The following MRE11 variants were observed in gnomAD, a reference collection of about 807,000 sequenced individuals.
The protein encoded by MRE11 is double-strand break repair protein MRE11.
MRE11 carries 62 observed loss-of-function variants against 91.7 expected under a neutral mutation model. That is an observed-to-expected ratio of 0.68 (90% confidence interval 0.55 to 0.84). MRE11 has a LOEUF of 0.84. MRE11 is among the 40% of genes least tolerant of loss of function. The pLI, the probability that MRE11 is intolerant of heterozygous loss-of-function variation, is 0.00. For missense variants in MRE11, 796 were observed against 852.9 expected (o/e 0.93, Z 0.83); for synonymous variants, 273 against 271.4 (o/e 1.01, Z -0.06).
At chr11:94,422,465 A>G (rs11020778) in intron 19 of MRE11, among the ~76,000 whole-genome samples, 22,792 of 152,120 alleles carry the variant, frequency 0.15, 2,093 homozygotes, top group African/African-American at 0.25. Flanking sequence ...ATAAATATTC[A>G]TTAAAGTAAT....
chr11:94,437,146 T>C, intron 17 of MRE11, 31 bp downstream of exon 17: 1 of 1,563,662 alleles, frequency 6.4e-7, no homozygotes, highest in Non-Finnish European at 8.8e-7. Flanking sequence ...CATAAATTAT[T>C]AATACACAAC....
chr11:94,436,868 C>G (rs1391905834), intron 17 of MRE11, among the ~76,000 whole-genome samples: 7 of 152,168 alleles, frequency 4.6e-5, no homozygotes, highest in Non-Finnish European at 7.3e-5. Flanking sequence ...CCTCTATAAC[C>G]ATTGAACTCA....
intron 14 of MRE11, among the ~76,000 whole-genome samples, chr11:94,455,855 T>C (rs911820421): frequency 3.3e-5 from 5 of 152,194 alleles, no homozygotes; most frequent in African/African-American, 9.7e-5. Flanking sequence ...TTTTGTTGTA[T>C]ATATCCCCAC....
At position 94,493,810 on chromosome 11, in the gene MRE11, C is replaced by T. The variant is rs1410623578; in HGVS notation, c.-125G>A. 2 of 152,234 alleles carry T rather than the reference C, an allele frequency of 1.3e-5. No homozygotes were observed. Among genetic ancestry groups the T allele is most frequent in the Admixed American group, 1.3e-4 (2 of 15,288 alleles). 9.4% of individuals were successfully genotyped at this position (152,234 alleles called of 1,614,324 possible). A position where few individuals can be genotyped will look rare whatever the true frequency, so the allele number is the denominator to read the frequency against. ...ACTTGCCTCTGAGAACCCGCAGGGC[C>T]GTAAACCTGAATTCCGCGGGAGAGA... On this transcript the variant is annotated 5_prime_UTR_variant, in exon 1 of 20. Transcript: ENST00000323929.
chr11:94,505,373 G>T, the MRE11 span, among the ~76,000 whole-genome samples: 2 of 152,082 alleles, frequency 1.3e-5, no homozygotes, highest in Non-Finnish European at 2.9e-5. Context: ...GACAGTGATC[G>T]TGATGACCCT....
Position 94,480,835 on chromosome 11 carries a change from C to CA in MRE11, c.315-1075dup, listed in dbSNP as rs146515564. 2.8e-3 allele frequency among the ~76,000 whole-genome samples: 430 copies of CA among 152,258 alleles called. 2 individuals are homozygous for CA. The highest frequency in any genetic ancestry group is 0.01 in the African/African-American group (416 of 41,536). ...TTTCAAGAAATGCCAATGCCCATGA[C>CA]ATACTTGGAGAGACTCTAAGTTAGT... On this transcript the variant is annotated intron_variant, in intron 4 of 19. Coordinates refer to ENST00000323929, the MANE Select transcript of MRE11 (RefSeq NM_005591.4).
In MRE11 at chr11:94,478,717, A is replaced by T; in HGVS notation, c.544+18T>A. ...AGAATCACACATGGACATAAACAGT[A>T]AAATAAAACTGTCTTACCTAAACCA... On this transcript the variant is annotated intron_variant, in intron 6 of 19. Transcript: ENST00000323929. 6.2e-7 allele frequency: 1 copy of T among 1,611,342 alleles called. No homozygotes were observed. Among genetic ancestry groups the T allele is most frequent in the Non-Finnish European group, 8.5e-7 (1 of 1,179,468 alleles).
intron 10 of MRE11, chr11:94,466,412 G>A (rs1020359160): frequency 3.7e-5 from 18 of 492,806 alleles, no homozygotes; most frequent in African/African-American, 3.2e-4. Context: ...CTATGCCAGC[G>A]ACAGTGGGAT....
chr11:94,429,144 C>A (rs1945399059), intron 19 of MRE11, among the ~76,000 whole-genome samples: 4 of 152,092 alleles, frequency 2.6e-5, no homozygotes, highest in Admixed American at 2.6e-4. Context: ...ACAATGATAC[C>A]ATTTCATACC....
chr11:94,468,952 G>C (rs749187616), intron 9 of MRE11, among the ~76,000 whole-genome samples: 5 of 152,086 alleles, frequency 3.3e-5, no homozygotes, highest in Non-Finnish European at 7.4e-5. Flanking sequence ...ATTTTGCCAG[G>C]TACTAGGTCA....
intron 13 of MRE11, 119 bp downstream of exon 13, chr11:94,459,289 G>T: frequency 9.7e-7 from 1 of 1,035,424 alleles, no homozygotes; most frequent in Admixed American, 2.1e-5. Flanking sequence ...CAATTTTATA[G>T]ATGAGAAAAA....
intron 11 of MRE11, among the ~76,000 whole-genome samples, chr11:94,461,519 G>C (rs1946413980): frequency 6.6e-6 from 1 of 152,092 alleles, no homozygotes; most frequent in African/African-American, 2.4e-5. Flanking sequence ...ATATCATACT[G>C]AATGGACAAA....
At chr11:94,436,016 G>T in intron 17 of MRE11, 117 bp from the exon 18 acceptor site, 2 of 910,138 alleles carry the variant, frequency 2.2e-6, no homozygotes, top group Non-Finnish European at 3.6e-6. Context: ...CACAAAAAAG[G>T]AGACAGAAAG....
intron 16 of MRE11, among the ~76,000 whole-genome samples, chr11:94,441,969 C>A (rs1226884070): frequency 2.6e-5 from 3 of 117,342 alleles, no homozygotes; most frequent in Non-Finnish European, 4.9e-5. Context: ...CAGAGAGAGA[C>A]TCTGTCTCAA....
chr11:94,438,712 G>C (rs2134851078), intron 16 of MRE11, among the ~76,000 whole-genome samples: 1 of 152,292 alleles, frequency 6.6e-6, no homozygotes, highest in East Asian at 1.9e-4. Flanking sequence ...AATAAAGTGT[G>C]GTGGTTAAAA....
At chr11:94,503,468 T>A in the MRE11 span, among the ~76,000 whole-genome samples, 1 of 152,022 alleles carries the variant, frequency 6.6e-6, no homozygotes, top group Non-Finnish European at 1.5e-5. Context: ...GGTGGGCAGA[T>A]CACAAGATCA....
chr11:94,487,809 T>C (rs1947179842), intron 3 of MRE11, among the ~76,000 whole-genome samples: 1 of 152,180 alleles, frequency 6.6e-6, no homozygotes, highest in South Asian at 2.1e-4. Context: ...GGTAAGGAAT[T>C]CTATGCGCTA....
At chr11:94,453,110 C>T (rs1300701322) in intron 14 of MRE11, among the ~76,000 whole-genome samples, 5 of 151,670 alleles carry the variant, frequency 3.3e-5, no homozygotes, top group African/African-American at 9.7e-5. Flanking sequence ...TTTTTTTTCA[C>T]TCATAATGTT....
At chr11:94,478,672 C>G (rs1352254935) in intron 6 of MRE11, 63 bp downstream of exon 6, 12 of 1,589,790 alleles carry the variant, frequency 7.5e-6, no homozygotes, top group Non-Finnish European at 1.0e-5. Flanking sequence ...AACTTATCTC[C>G]AAATTTCTCA....
Sources: gnomAD v4.1 joint callset for allele counts (sites outside exome capture counted in the v4.1 genomes callset) on GRCh38, gnomAD v4.1.1 for gene constraint, MANE v1.5 for transcripts, NCBI Gene and HGNC (gene_info 2026-07-23, HGNC 2026-07-21) for gene names.